Variants in CCDC91 observed in about 807,000 individuals in gnomAD.
The protein encoded by CCDC91 is coiled-coil domain-containing protein 91.
CCDC91 carries 48 observed loss-of-function variants against 63.2 expected under a neutral mutation model. That is an observed-to-expected ratio of 0.76 (90% CI 0.60 to 0.97). The LOEUF is 0.97. Ranked by LOEUF, CCDC91 falls within the 50% of genes least tolerant of loss-of-function variation. The pLI, the probability that CCDC91 is intolerant of heterozygous loss-of-function variation, is 0.00. For missense variants in CCDC91, 500 were observed against 494.6 expected, an observed-to-expected ratio of 1.01 and a Z score of -0.10; for synonymous variants, 167 against 165.8, an observed-to-expected ratio of 1.01 and a Z score of -0.06.
chr12:28,534,929 G>A (rs1490214845), intron 12 of CCDC91, among the ~76,000 whole-genome samples: 1 of 152,084 alleles, frequency 6.6e-6, no homozygotes, highest in African/African-American at 2.4e-5. Context: ...ATCACCAAAA[G>A]ACTATATTTT....
intron 6 of CCDC91, among the ~76,000 whole-genome samples, chr12:28,358,597 G>A (rs1451936942): frequency 6.6e-6 from 1 of 152,152 alleles, no homozygotes; most frequent in Admixed American, 6.5e-5. Context: ...TTTAATAAGT[G>A]CCATAGTGTT....
At chr12:28,525,529 A>G (rs545761461) in intron 12 of CCDC91, among the ~76,000 whole-genome samples, 18 of 152,148 alleles carry the variant, frequency 1.2e-4, no homozygotes, top group Middle Eastern at 3.4e-3. Context: ...CATATGGTCT[A>G]TCTTGGAGAA....
At chr12:28,194,896 A>G (rs1160161703) in intron 1 of CCDC91, among the ~76,000 whole-genome samples, 1 of 152,202 alleles carries the variant, frequency 6.6e-6, no homozygotes, top group Non-Finnish European at 1.5e-5. Context: ...CGCTGGCTTC[A>G]GGAGTGAAGC....
intron 7 of CCDC91, among the ~76,000 whole-genome samples, chr12:28,382,563 T>C (rs1945360950): frequency 6.6e-6 from 1 of 152,094 alleles, no homozygotes; most frequent in Non-Finnish European, 1.5e-5. Flanking sequence ...AGGAATCTAA[T>C]ACATAGAGAA....
At chr12:28,378,530 C>T (rs1945087601) in intron 7 of CCDC91, among the ~76,000 whole-genome samples, 1 of 151,780 alleles carries the variant, frequency 6.6e-6, no homozygotes, top group Admixed American at 6.6e-5. Context: ...TGATATTTTC[C>T]CTTGATTGGA....
At chr12:28,193,874 C>T (rs534300975) in intron 1 of CCDC91, among the ~76,000 whole-genome samples, 5 of 152,088 alleles carry the variant, frequency 3.3e-5, no homozygotes, top group South Asian at 2.1e-4. Flanking sequence ...CTGCTGAAAT[C>T]GTTTGTTCGT....
intron 3 of CCDC91, 115 bp downstream of exon 3, chr12:28,259,557 A>G (rs1946687984): frequency 1.5e-6 from 1 of 656,900 alleles, no homozygotes; most frequent in Admixed American, 2.8e-5. Flanking sequence ...TGATCTGAAA[A>G]ATGGAGTGAT....
intron 7 of CCDC91, among the ~76,000 whole-genome samples, chr12:28,373,217 A>G (rs1944731097): frequency 6.6e-6 from 1 of 152,036 alleles, no homozygotes; most frequent in Non-Finnish European, 1.5e-5. Context: ...TCTTTTTCAG[A>G]TTCTCTTATA....
chr12:28,470,612 G>T (rs943131980), intron 11 of CCDC91, among the ~76,000 whole-genome samples: 14 of 152,102 alleles, frequency 9.2e-5, no homozygotes, highest in African/African-American at 3.1e-4. Flanking sequence ...GAAAATTAGT[G>T]TATCAGTGAA....
chr12:28,318,712 C>A (rs186274843), intron 6 of CCDC91, among the ~76,000 whole-genome samples: 1 of 152,032 alleles, frequency 6.6e-6, no homozygotes, highest in African/African-American at 2.4e-5. Flanking sequence ...GGGCTTATGT[C>A]ATTTTCTTAT....
intron 6 of CCDC91, among the ~76,000 whole-genome samples, chr12:28,340,217 C>T (rs1942314219): frequency 6.6e-6 from 1 of 151,966 alleles, no homozygotes; most frequent in Admixed American, 6.6e-5. Flanking sequence ...CTATATTTTC[C>T]AAAATAAAAA....
intron 8 of CCDC91, among the ~76,000 whole-genome samples, chr12:28,441,418 G>A (rs1329241528): frequency 1.3e-5 from 2 of 151,980 alleles, no homozygotes; most frequent in Admixed American, 1.3e-4. Context: ...TTTATTCACA[G>A]TAGCCAATAA....
At chr12:28,279,122 A>T (rs1948431208) in intron 3 of CCDC91, among the ~76,000 whole-genome samples, 1 of 151,788 alleles carries the variant, frequency 6.6e-6, no homozygotes, top group Admixed American at 6.6e-5. Flanking sequence ...GTCATATATT[A>T]AGCTTACCTT....
intron 8 of CCDC91, among the ~76,000 whole-genome samples, chr12:28,445,518 C>T: frequency 6.6e-6 from 1 of 152,062 alleles, no homozygotes; most frequent in East Asian, 1.9e-4. Context: ...CCTGCAAAAC[C>T]CTAGAAAGCT....
At position 28,429,528 on chromosome 12, in the gene CCDC91, C is replaced by G. The variant is rs145304186; in HGVS notation, c.763-20633C>G. On this transcript the variant is annotated intron_variant, in intron 8 of 12. Coordinates refer to ENST00000536442, the MANE Select transcript of CCDC91 (RefSeq NM_018318.5). ...TATAATATATAATAAACAATACATT[C>G]GTGATGGAAACATGCTCTGGGATTA... Among the ~76,000 whole-genome samples, 1,198 of 152,068 alleles carry G rather than the reference C, an allele frequency of 7.9e-3. 7 individuals carry two copies. The highest frequency in any genetic ancestry group is 0.014 in the South Asian group (65 of 4,812).
chr12:28,218,218 T>A (rs1943693774), intron 1 of CCDC91, among the ~76,000 whole-genome samples: 1 of 152,152 alleles, frequency 6.6e-6, no homozygotes, highest in South Asian at 2.1e-4. Context: ...AGATAATCTT[T>A]TTCTCTGGGC....
intron 2 of CCDC91, 49 bp downstream of exon 2, chr12:28,257,294 A>ATGGAG: frequency 8.1e-7 from 1 of 1,233,274 alleles, no homozygotes; most frequent in South Asian, 1.2e-5. Context: ...TGGGATTATA[A>ATGGAG]TGGAGTAAAC....
At chr12:28,304,375 T>TAAAAAAAAAAAAAAAAA (rs777296414) in intron 3 of CCDC91, among the ~76,000 whole-genome samples, 4 of 73,596 alleles carry the variant, frequency 5.4e-5, no homozygotes, top group African/African-American at 1.8e-4. Flanking sequence ...AGACTCCGTC[T>TAAAAAAAAAAAAAAAAA]AAAAAAAAAA....
intron 7 of CCDC91, among the ~76,000 whole-genome samples, chr12:28,386,529 C>G (rs181776737): frequency 1.3e-5 from 2 of 152,124 alleles, no homozygotes; most frequent in Admixed American, 1.3e-4. Context: ...CCACGATGCC[C>G]CACTAATTTT....
Sources: gnomAD v4.1 joint callset for allele counts (sites outside exome capture counted in the v4.1 genomes callset) on GRCh38, gnomAD v4.1.1 for gene constraint, MANE v1.5 for transcripts, NCBI Gene and HGNC (gene_info 2026-07-23, HGNC 2026-07-21) for gene names.